TNS3: variants seen among roughly 807,000 people sequenced by gnomAD.
The protein encoded by TNS3 is tensin-3.
Under a neutral mutation model 140.9 loss-of-function variants are expected in TNS3, and 45 were observed. The observed-to-expected ratio is 0.32, with a 90% CI of 0.25 to 0.41. TNS3 has a LOEUF of 0.41. TNS3 is among the 10% of genes least tolerant of loss of function. The probability of loss-of-function intolerance (pLI) is 1.00; values close to 1 mark genes in which losing one functional copy is unlikely to be tolerated. For synonymous variants in TNS3, 815 were observed against 788.4 expected (o/e 1.03, Z -0.56); for missense variants, 1,716 against 1,906.7 (o/e 0.90, Z 1.86).
intron 20 of TNS3, among the ~76,000 whole-genome samples, chr7:47,312,191 G>A (rs578179164): frequency 2.0e-5 from 3 of 152,306 alleles, no homozygotes; most frequent in African/African-American, 7.2e-5. Flanking sequence ...TAGAGCAGAT[G>A]CAGTTGTGTG....
intron 27 of TNS3, among the ~76,000 whole-genome samples, chr7:47,284,803 A>G (rs1785328695): frequency 6.6e-6 from 1 of 152,236 alleles, no homozygotes; most frequent in East Asian, 1.9e-4. Context: ...TAACAGAAAA[A>G]GAGTGTTTTC....
chr7:47,548,083 A>G (rs1162256812), intron 1 of TNS3, among the ~76,000 whole-genome samples: 1 of 152,172 alleles, frequency 6.6e-6, no homozygotes, highest in Non-Finnish European at 1.5e-5. Flanking sequence ...TATTTTTAGT[A>G]GTGTTGAGGT....
intron 1 of TNS3, among the ~76,000 whole-genome samples, chr7:47,532,809 A>G (rs1465521731): frequency 1.3e-5 from 2 of 152,152 alleles, no homozygotes; most frequent in Admixed American, 6.5e-5. Flanking sequence ...AGTGGATATA[A>G]TATCACTTGA....
intron 3 of TNS3, among the ~76,000 whole-genome samples, chr7:47,483,634 T>G (rs1797507585): frequency 6.6e-6 from 1 of 152,208 alleles, no homozygotes; most frequent in Admixed American, 6.5e-5. Flanking sequence ...ACTTAAGGAT[T>G]TGGTCCAGAA....
chr7:47,460,227 A>G (rs1796431434), intron 4 of TNS3, among the ~76,000 whole-genome samples: 2 of 146,136 alleles, frequency 1.4e-5, no homozygotes, highest in Admixed American at 1.4e-4. Flanking sequence ...AAAAAAAAAA[A>G]AAAAAAAAAA....
chr7:47,321,802 C>G (rs925904003), intron 20 of TNS3, among the ~76,000 whole-genome samples: 2 of 152,168 alleles, frequency 1.3e-5, no homozygotes, highest in Non-Finnish European at 2.9e-5. Flanking sequence ...TGATTTTACT[C>G]TACATTGTTT....
At chr7:47,506,670 A>C (rs1798428040) in intron 3 of TNS3, among the ~76,000 whole-genome samples, 1 of 152,128 alleles carries the variant, frequency 6.6e-6, no homozygotes, top group African/African-American at 2.4e-5. Context: ...GGGGACAACT[A>C]TTGAATTCTT....
intron 10 of TNS3, among the ~76,000 whole-genome samples, chr7:47,418,591 G>C (rs748118432): frequency 3.3e-5 from 5 of 152,168 alleles, no homozygotes; most frequent in Non-Finnish European, 7.4e-5. Context: ...TTTTCCCATT[G>C]CTATCTTTTC....
intron 4 of TNS3, among the ~76,000 whole-genome samples, chr7:47,457,880 G>A (rs1796323464): frequency 6.6e-6 from 1 of 152,146 alleles, no homozygotes; most frequent in South Asian, 2.1e-4. Context: ...TGTAAAAACA[G>A]GGACAATGAC....
In TNS3 at chr7:47,389,111, GAAGAAGAAGAAGAAGAAGAAGAAGAA is replaced by G. The variant is rs1792336528; in HGVS notation, c.1024+7663_1024+7688del. On this transcript the variant is annotated intron_variant, in intron 16 of 30. Transcript: ENST00000311160. The stretch of plus-strand genomic sequence containing the variant: ...GGAAGAGGAAGAGGAAGCGGAAGCA[GAAGAAGAAGAAGAAGAAGAAGAAGAA>G]GAAGAAGAAGAAGAAGAAGCAGAAG... 8.8e-5 allele frequency among the ~76,000 whole-genome samples: 5 copies of G among 56,830 alleles called. 2 individuals carry two copies. The highest frequency in any genetic ancestry group is 6.9e-4 in the Admixed American group (4 of 5,778). The allele number at this position is 56,830 out of a possible 152,430, so 37.3% of individuals were successfully genotyped here.
At chr7:47,570,601 C>T (rs929494651) in intron 1 of TNS3, among the ~76,000 whole-genome samples, 19 of 152,312 alleles carry the variant, frequency 1.2e-4, no homozygotes, top group African/African-American at 4.1e-4. Context: ...GAAAATGTGC[C>T]GGCATTTCCC....
At chr7:47,356,048 C>A (rs1789977628) in intron 17 of TNS3, among the ~76,000 whole-genome samples, 2 of 152,202 alleles carry the variant, frequency 1.3e-5, no homozygotes, top group Non-Finnish European at 2.9e-5. Flanking sequence ...CCTGCCTCTG[C>A]CTCTGATAAC....
At chr7:47,528,554 T>C (rs1799282493) in intron 2 of TNS3, among the ~76,000 whole-genome samples, 1 of 152,344 alleles carries the variant, frequency 6.6e-6, no homozygotes, top group Non-Finnish European at 1.5e-5. Context: ...TTTATTAATG[T>C]GCAGTCACAA....
At chr7:47,433,247 G>C (rs576235847) in intron 8 of TNS3, among the ~76,000 whole-genome samples, 2 of 152,360 alleles carry the variant, frequency 1.3e-5, no homozygotes, top group Admixed American at 6.5e-5. Flanking sequence ...AAATGTCAGC[G>C]ATTTCACCCC....
intron 23 of TNS3, 132 bp downstream of exon 23, chr7:47,302,054 G>A: frequency 4.3e-6 from 3 of 694,528 alleles, no homozygotes; most frequent in Non-Finnish European, 7.6e-6. Flanking sequence ...TAACGTGTGG[G>A]CCCTGCTCAA....
At chr7:47,551,219 T>G (rs1394219536) in intron 1 of TNS3, among the ~76,000 whole-genome samples, 5 of 152,230 alleles carry the variant, frequency 3.3e-5, no homozygotes, top group African/African-American at 1.2e-4. Flanking sequence ...CTCTAGCACC[T>G]GAGCTCCCGG....
intron 20 of TNS3, among the ~76,000 whole-genome samples, chr7:47,323,205 C>T (rs542466961): frequency 6.6e-6 from 1 of 152,344 alleles, no homozygotes; most frequent in East Asian, 1.9e-4. Flanking sequence ...TTTTACCTGG[C>T]ACTGTTTTCC....
At chr7:47,441,329 C>A (rs1022171748) in intron 5 of TNS3, among the ~76,000 whole-genome samples, 5 of 152,156 alleles carry the variant, frequency 3.3e-5, no homozygotes, top group African/African-American at 9.7e-5. Flanking sequence ...CAGGCATGCG[C>A]TATCACACCC....
At chr7:47,375,872 T>G (rs928214164) in intron 16 of TNS3, among the ~76,000 whole-genome samples, 5 of 152,216 alleles carry the variant, frequency 3.3e-5, no homozygotes, top group African/African-American at 7.2e-5. Context: ...CAACAGAAGT[T>G]GGTTTGAAGC....
Sources: gnomAD v4.1 joint callset for allele counts (sites outside exome capture counted in the v4.1 genomes callset) on GRCh38, gnomAD v4.1.1 for gene constraint, MANE v1.5 for transcripts, NCBI Gene and HGNC (gene_info 2026-07-23, HGNC 2026-07-21) for gene names.